The following KLF8 variants were observed in gnomAD, a reference collection of about 807,000 sequenced individuals.
KLF8 encodes the protein Krueppel-like factor 8.
Under a neutral mutation model 18.2 loss-of-function variants are expected in KLF8, and 10 were observed. The ratio of observed to expected loss-of-function variants is 0.55; its 90% confidence interval spans 0.34 to 0.93. KLF8 has a LOEUF of 0.93. Ranked by LOEUF, KLF8 falls within the 40% of genes least tolerant of loss-of-function variation. The probability of loss-of-function intolerance (pLI) is 0.02; values close to 1 mark genes in which losing one functional copy is unlikely to be tolerated. For synonymous variants in KLF8, 109 were observed against 97.3 expected (o/e 1.12, Z -0.71); for missense variants, 264 against 277.9 (o/e 0.95, Z 0.36).
upstream of KLF8, among the ~76,000 whole-genome samples, chrX:56,227,661 A>G (rs1372081875): frequency 9.0e-6 from 1 of 111,644 alleles, no homozygotes. Flanking sequence ...TTTTTCTTGT[A>G]TACACAATAG....
At chrX:56,031,747 C>T in the KLF8 span, among the ~76,000 whole-genome samples, 2 of 111,459 alleles carry the variant, frequency 1.8e-5, no homozygotes, top group East Asian at 5.6e-4. Context: ...GACAAAACCC[C>T]ACAGACACCG....
intron 4 of KLF8, 93 bp from the exon 5 acceptor site, chrX:56,270,089 G>A (rs2067031227): frequency 1.4e-5 from 12 of 870,458 alleles, no homozygotes; most frequent in East Asian, 3.3e-5. Flanking sequence ...TAAATTAAAA[G>A]CCGATATGAT....
At chrX:55,980,007 G>A in the KLF8 span, among the ~76,000 whole-genome samples, 1 of 111,929 alleles carries the variant, frequency 8.9e-6, no homozygotes, top group African/African-American at 3.2e-5. Flanking sequence ...ACAGGGCCAA[G>A]GCAGAAAAAG....
the KLF8 span, among the ~76,000 whole-genome samples, chrX:56,053,545 T>TTTTTTG: frequency 0.42 from 16,125 of 38,127 alleles, 2,620 homozygotes; most frequent in African/African-American, 0.6. Flanking sequence ...CTTTTCTTTG[T>TTTTTTG]TTTTTTTTTT....
chrX:56,109,349 C>T, the KLF8 span, among the ~76,000 whole-genome samples: 1 of 104,345 alleles, frequency 9.6e-6, no homozygotes, highest in Non-Finnish European at 1.9e-5. Flanking sequence ...CAGCTGTGAT[C>T]ATGCCACTGC....
chrX:56,163,175 C>A, the KLF8 span, among the ~76,000 whole-genome samples: 2 of 111,919 alleles, frequency 1.8e-5, no homozygotes, highest in Non-Finnish European at 3.8e-5. Flanking sequence ...ACTGCACTAT[C>A]TTCCACAATG....
At chrX:55,932,868 G>A in the KLF8 span, among the ~76,000 whole-genome samples, 1 of 111,546 alleles carries the variant, frequency 9.0e-6, no homozygotes, top group South Asian at 3.8e-4. Flanking sequence ...TTCTCGAGGA[G>A]TATCTTTGTG....
At chrX:56,213,314 CTTTT>C in the KLF8 span, among the ~76,000 whole-genome samples, 1 of 12,016 alleles carries the variant, frequency 8.3e-5, no homozygotes, top group Non-Finnish European at 1.6e-4. Context: ...CTTTTCTTTT[CTTTT>C]TTTTTTTTTT....
At chrX:56,179,756 T>C in the KLF8 span, among the ~76,000 whole-genome samples, 1 of 111,842 alleles carries the variant, frequency 8.9e-6, no homozygotes, top group Non-Finnish European at 1.9e-5. Context: ...AATCATGTGG[T>C]TTTTGTCTTT....
At chrX:56,126,070 C>T in the KLF8 span, among the ~76,000 whole-genome samples, 1 of 111,566 alleles carries the variant, frequency 9.0e-6, no homozygotes, top group Non-Finnish European at 1.9e-5. Flanking sequence ...GTAGGAAAGA[C>T]ATGAGAACTG....
the KLF8 span, among the ~76,000 whole-genome samples, chrX:55,988,326 T>C: frequency 4.5e-5 from 5 of 111,576 alleles, no homozygotes; most frequent in African/African-American, 6.5e-5. Flanking sequence ...AGGGTTTTTA[T>C]GGTTTTAGGT....
the KLF8 span, among the ~76,000 whole-genome samples, chrX:55,954,927 C>T: frequency 1.8e-5 from 2 of 111,252 alleles, no homozygotes; most frequent in Admixed American, 9.6e-5. Flanking sequence ...TTGTATGATT[C>T]TATGTATATG....
At chrX:56,166,429 T>C in the KLF8 span, among the ~76,000 whole-genome samples, 1 of 111,851 alleles carries the variant, frequency 8.9e-6, no homozygotes, top group African/African-American at 3.2e-5. Context: ...ATCAATGCAG[T>C]GAAGAAGGCA....
chrX:56,140,993 T>C, the KLF8 span, among the ~76,000 whole-genome samples: 1 of 111,533 alleles, frequency 9.0e-6, no homozygotes, highest in East Asian at 2.8e-4. Flanking sequence ...TTTTTTGTAG[T>C]TTTTTTGAGA....
the KLF8 span, among the ~76,000 whole-genome samples, chrX:56,143,052 T>G: frequency 1.8e-5 from 2 of 111,597 alleles, no homozygotes; most frequent in Admixed American, 9.6e-5. Flanking sequence ...ACAATAAAAG[T>G]CAAAGCCTGA....
chrX:56,219,460 C>T, the KLF8 span, among the ~76,000 whole-genome samples: 2 of 111,778 alleles, frequency 1.8e-5, no homozygotes, highest in African/African-American at 6.5e-5. Context: ...TGGGAATGGG[C>T]CATTGCTAAA....
At chrX:56,020,297 A>G in the KLF8 span, among the ~76,000 whole-genome samples, 2 of 111,848 alleles carry the variant, frequency 1.8e-5, no homozygotes, top group East Asian at 5.6e-4. Flanking sequence ...AAGGCATGCT[A>G]AAGATTTTGG....
chrX:56,066,600 G>T, the KLF8 span, among the ~76,000 whole-genome samples: 1 of 111,747 alleles, frequency 8.9e-6, no homozygotes, highest in Middle Eastern at 4.6e-3. Flanking sequence ...CATGTGTGTT[G>T]GTCCTGCTAC....
At chrX:56,035,474 A>G in the KLF8 span, among the ~76,000 whole-genome samples, 3 of 112,025 alleles carry the variant, frequency 2.7e-5, no homozygotes, top group Non-Finnish European at 5.6e-5. Flanking sequence ...TTTCCTTTAA[A>G]TAAATGCCTA....
Sources: gnomAD v4.1 joint callset for allele counts (sites outside exome capture counted in the v4.1 genomes callset) on GRCh38, gnomAD v4.1.1 for gene constraint, MANE v1.5 for transcripts, NCBI Gene and HGNC (gene_info 2026-07-23, HGNC 2026-07-21) for gene names.